Variants in RPE observed in about 807,000 individuals in gnomAD.
RPE encodes the protein ribulose-phosphate 3-epimerase.
In RPE, 16 loss-of-function variants were observed where a neutral mutation model predicts 24.6. The ratio of observed to expected loss-of-function variants is 0.65; its 90% CI spans 0.44 to 0.99. The LOEUF is 0.99. RPE is among the 50% of genes least tolerant of loss of function. The probability of loss-of-function intolerance (pLI) is 0.00; values close to 1 mark genes in which losing one functional copy is unlikely to be tolerated. For synonymous variants in RPE, 93 were observed against 98.4 expected (o/e 0.94, Z 0.33); for missense variants, 240 against 294.5 (o/e 0.81, Z 1.35).
At chr2:210,018,102 C>G (rs1282570608) in intron 5 of RPE, 6 of 1,476,838 alleles carry the variant, frequency 4.1e-6, no homozygotes, top group Non-Finnish European at 3.6e-6. Flanking sequence ...CTGGTTTTCT[C>G]AGGAAGGCTG....
At chr2:210,016,790 A>G (rs956004845) in intron 4 of RPE, 149 bp downstream of exon 4, 1 of 1,084,882 alleles carries the variant, frequency 9.2e-7, no homozygotes, top group African/African-American at 1.6e-5. Context: ...AGTATAATAA[A>G]TGCTGTAATA....
chr2:210,004,446 G>C (rs145234895), intron 1 of RPE, among the ~76,000 whole-genome samples: 1 of 152,342 alleles, frequency 6.6e-6, no homozygotes, highest in Non-Finnish European at 1.5e-5. Context: ...TCATCTGCCA[G>C]TGGTCTCATA....
At chr2:210,019,554 C>T (rs1401487999) in intron 5 of RPE, 115 bp from the exon 6 acceptor site, 2 of 1,277,368 alleles carry the variant, frequency 1.6e-6, no homozygotes, top group African/African-American at 3.0e-5. Context: ...CAAAGTGGCT[C>T]TCATATGATT....
At chr2:210,014,318 T>G (rs1249584241) in intron 2 of RPE, among the ~76,000 whole-genome samples, 1 of 151,670 alleles carries the variant, frequency 6.6e-6, no homozygotes, top group Non-Finnish European at 1.5e-5. Context: ...CTCGATCTCC[T>G]GACCTCGTGA....
intron 4 of RPE, among the ~76,000 whole-genome samples, chr2:210,017,239 G>GT (rs1452266555): frequency 3.3e-5 from 5 of 152,190 alleles, no homozygotes; most frequent in African/African-American, 4.8e-5. Flanking sequence ...TTGTTTACAT[G>GT]ACAGTCTCTG....
At chr2:210,016,923 A>G (rs2093779932) in intron 4 of RPE, among the ~76,000 whole-genome samples, 1 of 152,180 alleles carries the variant, frequency 6.6e-6, no homozygotes, top group South Asian at 2.1e-4. Flanking sequence ...GGTTCATTGC[A>G]GCCTTGACCT....
chr2:210,019,790 G>A lies in RPE; in HGVS notation c.686G>A (p.Ter229=). 6.2e-7 allele frequency: 1 copy of A among 1,611,806 alleles called. No homozygotes were observed. Among genetic ancestry groups the A allele is most frequent in the Non-Finnish European group, 8.5e-7 (1 of 1,178,634 alleles). Residue 229 remains the stop codon, a stop_retained_variant, in exon 6 of 6, where the codon TGA becomes TAA. Transcript: ENST00000359429. Reference sequence around the variant, plus strand: ...GCTCAGAAACGTTCTCTTGATCGGTGAAACCATAAGGAGCCCAGTGTTCCT... The same window carrying A: ...GCTCAGAAACGTTCTCTTGATCGGTAAAACCATAAGGAGCCCAGTGTTCCT... The part of the protein sequence containing the change: ...EAAQKRSLDR[*]
chr2:210,002,770 G>A lies in RPE; in HGVS notation c.109G>A (p.Asp37Asn). The A allele has an allele frequency of 6.2e-7, 1 of 1,614,178 alleles. No individual in the cohort carries two copies. The highest frequency in any genetic ancestry group is 8.5e-7 in the Non-Finnish European group (1 of 1,180,016). ...CTCTGGGGCCGATTATCTGCACCTG[G>A]ACGTAATGGACGGGTAACTCCTCCG... Reference protein sequence around the residue: ...LDSGADYLHLDVMDGHFVPNI... With the variant: ...LDSGADYLHLNVMDGHFVPNI... Residue 37 changes from aspartate (D) to asparagine (N), a missense_variant, in exon 1 of 6, where the codon GAC (aspartate) becomes AAC (asparagine). Transcript: ENST00000359429.
Position 210,017,530 on chromosome 2 carries a change from G to T in RPE, c.535G>T (p.Gly179Cys), listed in dbSNP as rs149656701. 15 of 1,609,754 alleles carry T rather than the reference G, an allele frequency of 9.3e-6. No homozygotes were observed. The highest frequency in any genetic ancestry group is 1.3e-5 in the Non-Finnish European group (15 of 1,177,574). The stretch of plus-strand genomic sequence containing the variant: ...GGATATAGAGGTCGATGGTGGAGTA[G>T]GTCCTGACACTGTCCATAAATGTGC... Reference protein sequence around the residue: ...SLDIEVDGGVGPDTVHKCAEA... With the variant: ...SLDIEVDGGVCPDTVHKCAEA... The change falls in exon 5 of 6, where the codon GGT becomes TGT. Residue 179 changes from glycine (G) to cysteine (C), a missense_variant. Coordinates refer to ENST00000359429, the MANE Select transcript of RPE (RefSeq NM_199229.3).
rs569881670 is a variant in RPE, at chr2:210,020,017, T to C, written c.*226T>C. 2.6e-6 allele frequency: 1 copy of C among 377,684 alleles called. No individual in the cohort carries two copies. The highest frequency in any genetic ancestry group is 4.7e-6 in the Non-Finnish European group (1 of 210,700). 23.4% of individuals were successfully genotyped at this position (377,684 alleles called of 1,614,324 possible). ...TTATTGATTAGTGAGTAAGATACTG[T>C]TTTTATTGAGAGATTTGATTTTTAT... On this transcript the variant is annotated 3_prime_UTR_variant, in exon 6 of 6. Transcript: ENST00000359429.
chr2:210,016,064 T>TGA lies in RPE; in HGVS notation c.297_298dup (p.Asn100ArgfsTer6), dbSNP rs1473151420. 2 of 1,614,110 alleles carry TGA rather than the reference T, an allele frequency of 1.2e-6. No individual in the cohort carries two copies. Among genetic ancestry groups the TGA allele is most frequent in the Non-Finnish European group, 1.7e-6 (2 of 1,180,060 alleles). ...AGTACACCTTTCATCTCGAGGCTACTGAGAACCCAGGGGCTTTGATTAAAG... is the reference window on the plus strand; with the variant it reads ...AGTACACCTTTCATCTCGAGGCTACTGAGAGAACCCAGGGGCTTTGATTAAAG... On this transcript the variant is annotated frameshift_variant, in exon 3 of 6. Transcript: ENST00000359429. LOFTEE classifies it high-confidence loss of function.
In RPE at chr2:210,017,635, C is replaced by T. The variant is rs1470915607; in HGVS notation, c.564+76C>T. The T allele has an allele frequency of 1.9e-5, 26 of 1,347,754 alleles. 2 individuals carry two copies. In the Middle Eastern group the frequency reaches 5.5e-4, roughly 28 times the overall value. The allele number at this position is 1,347,754 out of a possible 1,614,324, so 83.5% of individuals were successfully genotyped here. Reference sequence around the variant, plus strand: ...TCCAGGACATTGTCTCATGGGCCAGCGATTCCCTCTGTGGTTCCTAAGTTG... The same window carrying T: ...TCCAGGACATTGTCTCATGGGCCAGTGATTCCCTCTGTGGTTCCTAAGTTG... On this transcript the variant is annotated intron_variant, in intron 5 of 5. Transcript: ENST00000359429.
chr2:210,016,571 A>T lies in RPE; in HGVS notation c.407A>T (p.Asp136Val). Residue 136 changes from aspartate (D) to valine (V), a missense_variant, in exon 4 of 6, where the codon GAT becomes GTT. Physicochemically the swap from Asp to Val is radical, Grantham distance 152 (BLOSUM62 -3). Transcript: ENST00000359429. The stretch of plus-strand genomic sequence containing the variant: ...TTGGCACCATGGGCTAATCAGATAG[A>T]TATGGCCTTGGTTATGACAGTGGAA... ...EYLAPWANQI[D>V]MALVMTVEPG... 1 of 1,614,220 alleles carries T rather than the reference A, an allele frequency of 6.2e-7. No individual in the cohort carries two copies. The highest frequency in any genetic ancestry group is 8.5e-7 in the Non-Finnish European group (1 of 1,180,042).
rs761551841 is a variant in RPE, at chr2:210,016,554, A to G, written c.390A>G (p.Pro130=). ...KPGTSVEYLA[P]WANQIDMALV... ...GAACCTCAGTTGAGTATTTGGCACC[A>G]TGGGCTAATCAGATAGATATGGCCT... Residue 130 remains proline, a synonymous_variant, in exon 4 of 6, where the codon CCA becomes CCG. Transcript: ENST00000359429. 3.1e-6 allele frequency: 5 copies of G among 1,614,136 alleles called. No individual in the cohort carries two copies. Among genetic ancestry groups the G allele is most frequent in the South Asian group, 2.2e-5 (2 of 91,094 alleles).
chr2:210,016,666 G>T (rs372996961), intron 4 of RPE, 25 bp downstream of exon 4: 4 of 1,613,954 alleles, frequency 2.5e-6, no homozygotes, highest in Non-Finnish European at 3.4e-6. Flanking sequence ...TGATTTTGGG[G>T]TGAGGCTTTT....
At chr2:210,016,383 C>T (rs1575319976) in intron 3 of RPE, 124 bp from the exon 4 acceptor site, 4 of 1,565,066 alleles carry the variant, frequency 2.6e-6, no homozygotes, top group African/African-American at 1.4e-5. Flanking sequence ...AAAATACTTA[C>T]ATTTAATAGT....
chr2:210,004,475 C>T (rs567878261), intron 1 of RPE, among the ~76,000 whole-genome samples: 306 of 152,208 alleles, frequency 2.0e-3, no homozygotes, highest in Middle Eastern at 3.4e-3. Context: ...ATGGTGGAGC[C>T]AGGGTTGGAA....
intron 1 of RPE, among the ~76,000 whole-genome samples, chr2:210,006,882 G>A (rs2093638093): frequency 1.3e-5 from 2 of 152,130 alleles, no homozygotes; most frequent in African/African-American, 4.8e-5. Flanking sequence ...AGGTGTTATT[G>A]AGTGAAAGTG....
At chr2:210,004,866 G>C (rs2093609151) in intron 1 of RPE, among the ~76,000 whole-genome samples, 1 of 152,128 alleles carries the variant, frequency 6.6e-6, no homozygotes, top group South Asian at 2.1e-4. Flanking sequence ...CCATGGATCA[G>C]AGTTTTGGGA....
Sources: gnomAD v4.1 joint callset for allele counts (sites outside exome capture counted in the v4.1 genomes callset) on GRCh38, gnomAD v4.1.1 for gene constraint, MANE v1.5 for transcripts, NCBI Gene and HGNC (gene_info 2026-07-23, HGNC 2026-07-21) for gene names.